Variants in SRPRA observed in about 807,000 individuals in gnomAD.
SRPRA encodes the protein SRP receptor subunit alpha.
A neutral mutation model predicts 61.1 loss-of-function variants in SRPRA; 30 were observed. The ratio of observed to expected loss-of-function variants is 0.49; its 90% CI spans 0.37 to 0.67. The LOEUF is 0.67. Ranked by LOEUF, SRPRA falls within the 30% of genes least tolerant of loss-of-function variation. The pLI is 0.00. For missense variants in SRPRA, 759 were observed against 828.4 expected (o/e 0.92, Z 1.03); for synonymous variants, 324 against 299.7 (o/e 1.08, Z -0.84).
chr11:126,259,100 A>G (rs983335274), downstream of SRPRA, among the ~76,000 whole-genome samples: 1 of 152,180 alleles, frequency 6.6e-6, no homozygotes, highest in Non-Finnish European at 1.5e-5. Context: ...TTGTCATGTG[A>G]AATGTAGTAG....
At chr11:126,254,482 C>T in the SRPRA span, 2 of 1,607,118 alleles carry the variant, frequency 1.2e-6, no homozygotes, top group Non-Finnish European at 1.7e-6. Context: ...CCTGGGAAAT[C>T]TCTCTAAATA....
At position 126,266,005 on chromosome 11, in the gene SRPRA, C is replaced by G. The variant is rs1157508923; in HGVS notation, c.1009G>C (p.Asp337His). ...LVGSKSLSREDMESVLDKMRD... is the reference protein window; with the variant it reads ...LVGSKSLSREHMESVLDKMRD... ...ATCTTGTCCAGCACAGATTCCATGT[C>G]TTCACGACTCAAGCTCTTTGAACCC... is the stretch of plus-strand genomic sequence containing the variant. The change falls in exon 8 of 14, where the codon GAC (aspartate) becomes CAC (histidine). Residue 337 changes from aspartate (D) to histidine (H), a missense_variant. Asp to His is a moderately conservative substitution (Grantham distance 81, BLOSUM62 -1). Transcript: ENST00000332118. 1 of 1,614,088 alleles carries G rather than the reference C, an allele frequency of 6.2e-7. No homozygotes were observed.
At chr11:126,248,512 A>G in the SRPRA span, among the ~76,000 whole-genome samples, 7 of 151,530 alleles carry the variant, frequency 4.6e-5, no homozygotes, top group Admixed American at 2.0e-4. Flanking sequence ...CTGGCACTAC[A>G]GGCACCACCA....
chr11:126,266,551 G>A lies in SRPRA; in HGVS notation c.765C>T (p.Asn255=), dbSNP rs370666798. The change falls in exon 6 of 14, where the codon AAC becomes AAT. Residue 255 remains asparagine (N), a synonymous_variant. Transcript: ENST00000332118. ...PRVWELGGCA[N]KEVLDYSTPT... is the part of the protein sequence containing the mutation. ...GAGTACTGTAATCCAACACTTCTTT[G>A]TTAGCACAGCCACCCAGTTCCCACA... 1.3e-5 allele frequency: 21 copies of A among 1,614,052 alleles called. No homozygotes were observed. The highest frequency in any genetic ancestry group is 1.5e-5 in the Non-Finnish European group (18 of 1,180,038).
chr11:126,259,568 G>C (rs11220430), downstream of SRPRA, among the ~76,000 whole-genome samples: 1 of 151,702 alleles, frequency 6.6e-6, no homozygotes, highest in African/African-American at 2.4e-5. Context: ...TGGAACTATA[G>C]GCGCCCACCA....
chr11:126,255,241 G>T, the SRPRA span, among the ~76,000 whole-genome samples: 2 of 152,152 alleles, frequency 1.3e-5, no homozygotes, highest in Non-Finnish European at 2.9e-5. This position sits in a 1 kb window ranked among gnomAD's most constrained non-coding sequence, Gnocchi z 4.6. Context: ...AGATAAACAT[G>T]TTCAAACCAG....
At chr11:126,253,033 T>TAAAA in the SRPRA span, among the ~76,000 whole-genome samples, 2 of 152,204 alleles carry the variant, frequency 1.3e-5, no homozygotes, top group Non-Finnish European at 2.9e-5. The surrounding 1 kb of genome is among the most constrained non-coding windows in gnomAD (Gnocchi z 5.1). Flanking sequence ...AGACTCTGTC[T>TAAAA]AAAAACAAAC....
At chr11:126,266,328 A>C (rs1160460599) in intron 6 of SRPRA, 50 bp from the exon 7 acceptor site, 1 of 1,604,900 alleles carries the variant, frequency 6.2e-7, no homozygotes, top group Non-Finnish European at 8.5e-7. Context: ...AAGGTCTCTG[A>C]GGAAAACGTC....
chr11:126,262,884 G>A (rs1950731338), downstream of SRPRA: 1 of 152,636 alleles, frequency 6.6e-6, no homozygotes, highest in Middle Eastern at 3.2e-3. Context: ...TAAGTGTGTT[G>A]TGGAATTTTA....
At chr11:126,257,621 T>TG in the SRPRA span, among the ~76,000 whole-genome samples, 1 of 151,500 alleles carries the variant, frequency 6.6e-6, no homozygotes, top group Non-Finnish European at 1.5e-5. Context: ...TTTTTTTTTT[T>TG]GGTGCGTGTA....
rs1950793674 is a variant in SRPRA, at chr11:126,265,630, G to C, written c.1138+107C>G. 1 of 1,326,028 alleles carries C rather than the reference G, an allele frequency of 7.5e-7. No homozygotes were observed. Among genetic ancestry groups the C allele is most frequent in the Non-Finnish European group, 1.1e-6 (1 of 939,790 alleles). 82.1% of individuals were successfully genotyped at this position (1,326,028 alleles called of 1,614,324 possible). On this transcript the variant is annotated intron_variant, in intron 9 of 13. Coordinates refer to ENST00000332118, the MANE Select transcript of SRPRA (RefSeq NM_003139.4). This position sits in a 1 kb window ranked among gnomAD's most constrained non-coding sequence, Gnocchi z 6.3. Reference sequence around the variant, plus strand: ...AATAACCCTTAAAATCTAGGTTACAGAGGTTTAGAGGTTAAGGAATTTGCC... The same window carrying C: ...AATAACCCTTAAAATCTAGGTTACACAGGTTTAGAGGTTAAGGAATTTGCC...
chr11:126,244,620 A>G, the SRPRA span, among the ~76,000 whole-genome samples: 2 of 152,314 alleles, frequency 1.3e-5, no homozygotes, highest in East Asian at 3.9e-4. The surrounding 1 kb of genome is among the most constrained non-coding windows in gnomAD (Gnocchi z 4.5). Context: ...CCTGGCCAAC[A>G]TGGTGAAACC....
chr11:126,261,326 C>T (rs1293256134), downstream of SRPRA: 2 of 907,816 alleles, frequency 2.2e-6, no homozygotes, highest in Admixed American at 2.1e-5. Context: ...CATTCCTTTT[C>T]AGTCGTACCA....
the SRPRA span, chr11:126,250,824 G>A: frequency 2.9e-6 from 3 of 1,051,884 alleles, no homozygotes; most frequent in East Asian, 2.6e-5. The surrounding 1 kb of genome is among the most constrained non-coding windows in gnomAD (Gnocchi z 5.1). Flanking sequence ...TGGTATTTAT[G>A]TAGAGCTAGA....
At chr11:126,250,338 G>A in the SRPRA span, among the ~76,000 whole-genome samples, 4 of 152,054 alleles carry the variant, frequency 2.6e-5, no homozygotes, top group Non-Finnish European at 2.9e-5. The surrounding 1 kb of genome is among the most constrained non-coding windows in gnomAD (Gnocchi z 5.1). Flanking sequence ...TGATCCGCCC[G>A]CCTCGGTCTC....
chr11:126,240,179 T>G, the SRPRA span, among the ~76,000 whole-genome samples: 1 of 152,190 alleles, frequency 6.6e-6, no homozygotes, highest in Non-Finnish European at 1.5e-5. Context: ...AAAGGAATGT[T>G]TTTCACTTTT....
Position 126,265,099 on chromosome 11 carries a change from AC to A in SRPRA, c.1384del (p.Val462TrpfsTer11). 6.2e-7 allele frequency: 1 copy of A among 1,614,196 alleles called. No homozygotes were observed. Among genetic ancestry groups the A allele is most frequent in the Non-Finnish European group, 8.5e-7 (1 of 1,180,046 alleles). ...AACDTFRAGAVEQLRTHTRRL... is the reference protein window; with the variant it reads ...AACDTFRAGAXEQLRTHTRRL... ...CCGGGTGTGTGTACGCAGCTGCTCC[AC>A]GGCCCCAGCACGAAATGTATCACAG... On this transcript the variant is annotated frameshift_variant, in exon 11 of 14. Coordinates refer to ENST00000332118, the MANE Select transcript of SRPRA (RefSeq NM_003139.4). LOFTEE classifies it high-confidence loss of function. This position sits in a 1 kb window ranked among gnomAD's most constrained non-coding sequence, Gnocchi z 6.3.
the SRPRA span, among the ~76,000 whole-genome samples, chr11:126,249,309 G>A: frequency 6.6e-6 from 1 of 152,182 alleles, no homozygotes; most frequent in Non-Finnish European, 1.5e-5. Context: ...GTATTAAATT[G>A]TTTACGTTAA....
the SRPRA span, among the ~76,000 whole-genome samples, chr11:126,244,129 C>G: frequency 2.0e-5 from 3 of 152,274 alleles, no homozygotes; most frequent in African/African-American, 7.2e-5. The surrounding 1 kb of genome is among the most constrained non-coding windows in gnomAD (Gnocchi z 4.5). Flanking sequence ...GAAAAACTCA[C>G]AGTTAACATA....
Sources: allele counts gnomAD v4.1 joint callset (sites outside exome capture counted in the v4.1 genomes callset), GRCh38; gene constraint gnomAD v4.1.1; non-coding constraint Gnocchi (gnomAD v3.1); transcripts MANE v1.5; gene names NCBI Gene and HGNC (gene_info 2026-07-23, HGNC 2026-07-21).